The following UPF1 variants were observed in gnomAD, a reference collection of about 807,000 sequenced individuals.
The protein encoded by UPF1 is UPF1 RNA helicase and ATPase, also known as regulator of nonsense transcripts 1.
Under a neutral mutation model 129.2 loss-of-function variants are expected in UPF1, and 9 were observed. The observed-to-expected ratio is 0.07, with a 90% CI of 0.04 to 0.12. The LOEUF (loss-of-function observed/expected upper bound fraction) is 0.12, where lower values mean the gene tolerates loss of function less well. UPF1 is among the 10% of genes least tolerant of loss of function. UPF1 has a pLI of 1.00. For missense variants in UPF1, 788 were observed against 1,525.3 expected (o/e 0.52, Z 8.05); for synonymous variants, 649 against 644.9 (o/e 1.01, Z -0.10).
chr19:18,863,054 C>T (rs1418379142), intron 18 of UPF1: 1 of 193,924 alleles, frequency 5.2e-6, no homozygotes, highest in Non-Finnish European at 1.1e-5. Flanking sequence ...GTGGGTCCCC[C>T]CACAGCTTCG....
Position 18,867,891 on chromosome 19 carries a change from C to G in UPF1, c.*1374C>G, listed in dbSNP as rs1446386813. On this transcript the variant is annotated 3_prime_UTR_variant, in exon 24 of 24. Transcript: ENST00000262803. ...TCCAGATTCCGGCTTCTACATGGGACAGACGGGGACGCACAGGCCACCTTC... is the reference window on the plus strand; with the variant it reads ...TCCAGATTCCGGCTTCTACATGGGAGAGACGGGGACGCACAGGCCACCTTC... 1 of 152,472 alleles carries G rather than the reference C, an allele frequency of 6.6e-6. No individual in the cohort carries two copies. The highest frequency in any genetic ancestry group is 2.1e-4 in the South Asian group (1 of 4,854). 9.4% of individuals were successfully genotyped at this position (152,472 alleles called of 1,614,324 possible). A position where few individuals can be genotyped will look rare whatever the true frequency, so the allele number is the denominator to read the frequency against.
At chr19:18,857,734 G>T (rs897821205) in intron 15 of UPF1, among the ~76,000 whole-genome samples, 2 of 152,240 alleles carry the variant, frequency 1.3e-5, no homozygotes, top group Non-Finnish European at 2.9e-5. Flanking sequence ...TGGGGAGCCT[G>T]TGTCCTCTGT....
At chr19:18,859,546 C>T (rs1363099413) in intron 15 of UPF1, 1 of 152,224 alleles carries the variant, frequency 6.6e-6, no homozygotes, top group African/African-American at 2.4e-5. Flanking sequence ...CTCGCTGTAA[C>T]AGCAGTGATC....
chr19:18,849,506 A>G (rs1601108794), intron 3 of UPF1: 1 of 159,836 alleles, frequency 6.3e-6, no homozygotes, highest in Middle Eastern at 3.3e-3. Flanking sequence ...AGGGCTTCAC[A>G]CACAGCCCTG....
chr19:18,831,999 G>C lies in UPF1; in HGVS notation c.-211G>C, dbSNP rs1355108159. The C allele has an allele frequency of 9.3e-6, 3 of 322,070 alleles. No individual in the cohort carries two copies. Among genetic ancestry groups the C allele is most frequent in the South Asian group, 2.4e-4 (2 of 8,350 alleles). The allele number at this position is 322,070 out of a possible 1,614,324, so 20.0% of individuals were successfully genotyped here. A position where few individuals can be genotyped will look rare whatever the true frequency, so the allele number is the denominator to read the frequency against. On this transcript the variant is annotated 5_prime_UTR_variant, in exon 1 of 24. Transcript: ENST00000262803. ...CTGCGAGCGGCTGGCGGCTTCGAGG[G>C]GAGCTGAGGCGCGGAGGGGCTCGGC...
chr19:18,835,788 A>AT (rs1183783074), intron 1 of UPF1, among the ~76,000 whole-genome samples: 2 of 152,170 alleles, frequency 1.3e-5, no homozygotes, highest in Non-Finnish European at 2.9e-5. Context: ...TGCTGTGGCC[A>AT]TGAGTGTACA....
rs2055732689 is a variant in UPF1, at chr19:18,857,602, G to A, written c.2182+69G>A. The A allele has an allele frequency of 3.4e-6, 5 of 1,468,826 alleles. No individual in the cohort carries two copies. The East Asian group carries it at 1.2e-4, about 36-fold the overall frequency. 91.0% of individuals were successfully genotyped at this position (1,468,826 alleles called of 1,614,324 possible). On this transcript the variant is annotated intron_variant, in intron 15 of 23. Coordinates refer to ENST00000262803, the MANE Select transcript of UPF1 (RefSeq NM_002911.4). The stretch of plus-strand genomic sequence containing the variant: ...GCATCAAGGGAATGTGGACTGGGGA[G>A]AAGGAACTGGCCCATCAGCTTCCCC...
intron 11 of UPF1, 41 bp downstream of exon 11, chr19:18,855,283 C>G: frequency 1.3e-6 from 2 of 1,593,466 alleles, no homozygotes. Context: ...CCCGGGAGGG[C>G]TTTAGGGTGG....
chr19:18,850,345 A>C lies in UPF1; in HGVS notation c.629+103A>C. On this transcript the variant is annotated intron_variant, in intron 4 of 23. Transcript: ENST00000262803. This position sits in a 1 kb window ranked among gnomAD's most constrained non-coding sequence, Gnocchi z 7.1. Reference sequence around the variant, plus strand: ...CCCAGCCGTGGCTCTAACTCCAGGGAGTTGTCCTCCAAAGATGGTTTTTGC... The same window carrying C: ...CCCAGCCGTGGCTCTAACTCCAGGGCGTTGTCCTCCAAAGATGGTTTTTGC... 6.9e-7 allele frequency: 1 copy of C among 1,448,572 alleles called. No homozygotes were observed. Among genetic ancestry groups the C allele is most frequent in the Non-Finnish European group, 9.2e-7 (1 of 1,086,408 alleles). 89.7% of individuals were successfully genotyped at this position (1,448,572 alleles called of 1,614,324 possible). A position where few individuals can be genotyped will look rare whatever the true frequency, so the allele number is the denominator to read the frequency against.
At position 18,851,320 on chromosome 19, in the gene UPF1, C is replaced by T. The variant is rs1318759087; in HGVS notation, c.810+452C>T. Among the ~76,000 whole-genome samples the T allele has an allele frequency of 3.9e-5, 6 of 152,200 alleles. No homozygotes were observed. Among genetic ancestry groups the T allele is most frequent in the African/African-American group, 1.4e-4 (6 of 41,438 alleles). On this transcript the variant is annotated intron_variant, in intron 5 of 23. Transcript: ENST00000262803. This position sits in a 1 kb window ranked among gnomAD's most constrained non-coding sequence, Gnocchi z 4.2. ...CGGGTCAAGTAGTGGGTGCCTGGCC[C>T]TCCTTCCACAGACAGCCCTCACTTT... is the stretch of plus-strand genomic sequence containing the variant.
At chr19:18,857,058 T>A in intron 14 of UPF1, 38 bp downstream of exon 14, 1 of 1,590,898 alleles carries the variant, frequency 6.3e-7, no homozygotes. Flanking sequence ...TGAAAACTCG[T>A]GTGTGTGATT....
At chr19:18,834,834 TG>T (rs1410998160) in intron 1 of UPF1, among the ~76,000 whole-genome samples, 1 of 152,186 alleles carries the variant, frequency 6.6e-6, no homozygotes. Context: ...GCTGTTAAGT[TG>T]GGGGCTCCTG....
chr19:18,854,077 C>T (rs761644736), intron 8 of UPF1, among the ~76,000 whole-genome samples: 7 of 152,184 alleles, frequency 4.6e-5, no homozygotes, highest in Admixed American at 1.3e-4. Flanking sequence ...TGTTGCCTAC[C>T]GGCCACAGCC....
intron 1 of UPF1, among the ~76,000 whole-genome samples, chr19:18,835,176 A>G (rs759426330): frequency 6.6e-6 from 1 of 152,102 alleles, no homozygotes. Flanking sequence ...GGCATTTCAC[A>G]TCAACGGAAT....
At chr19:18,863,216 GGGC>G in intron 18 of UPF1, 1 of 531,366 alleles carries the variant, frequency 1.9e-6, no homozygotes, top group South Asian at 3.0e-5. Flanking sequence ...GTCTGCCATG[GGGC>G]TGCTTAGAGT....
Position 18,865,326 on chromosome 19 carries a change from G to T in UPF1, c.2895G>T (p.Gln965His), listed in dbSNP as rs778546602. 6.2e-7 allele frequency: 1 copy of T among 1,613,390 alleles called. No homozygotes were observed. The highest frequency in any genetic ancestry group is 1.1e-5 in the South Asian group (1 of 91,074). ...PSSMYFQTHD[Q>H]IGMISAGPSH... ...GCATGTACTTCCAGACCCATGACCA[G>T]ATTGGCATGATCAGTGCCGGCCCTA... is the stretch of plus-strand genomic sequence containing the variant. Residue 965 changes from glutamine (Q) to histidine (H), a missense_variant, in exon 21 of 24, where the codon CAG becomes CAT. Physicochemically the swap from Gln to His is conservative, Grantham distance 24. Transcript: ENST00000262803. This position sits in a 1 kb window ranked among gnomAD's most constrained non-coding sequence, Gnocchi z 6.1.
intron 14 of UPF1, 88 bp from the exon 15 acceptor site, chr19:18,857,232 A>C: frequency 6.6e-7 from 1 of 1,507,686 alleles, no homozygotes; most frequent in Non-Finnish European, 9.0e-7. Flanking sequence ...TGTCCTGTGC[A>C]TCCTGGGGCC....
intron 1 of UPF1, among the ~76,000 whole-genome samples, chr19:18,841,344 ATTTTG>A (rs2055538961): frequency 3.3e-5 from 5 of 152,104 alleles, no homozygotes; most frequent in Admixed American, 3.3e-4. Context: ...ATACTCAGCC[ATTTTG>A]ACCTGCAGTA....
At chr19:18,834,287 G>C (rs987865754) in intron 1 of UPF1, among the ~76,000 whole-genome samples, 14 of 152,358 alleles carry the variant, frequency 9.2e-5, no homozygotes, top group Admixed American at 5.9e-4. Context: ...AGCGCGGATC[G>C]GGGGGTTGGC....
Sources: allele counts gnomAD v4.1 joint callset (sites outside exome capture counted in the v4.1 genomes callset), GRCh38; gene constraint gnomAD v4.1.1; non-coding constraint Gnocchi (gnomAD v3.1); transcripts MANE v1.5; gene names NCBI Gene and HGNC (gene_info 2026-07-23, HGNC 2026-07-21).